The following LARGE1 variants were observed in gnomAD, a reference collection of about 807,000 sequenced individuals.
LARGE1 encodes xylosyl- and glucuronyltransferase LARGE1.
In LARGE1, 43 loss-of-function variants were observed where a neutral mutation model predicts 87.6. The ratio of observed to expected loss-of-function variants is 0.49; its 90% CI spans 0.38 to 0.63. The LOEUF is 0.63. Among genes scored for constraint, LARGE1 ranks in the 30% least tolerant of loss-of-function variants. The pLI is 0.00. For synonymous variants in LARGE1, 434 were observed against 394.6 expected, an observed-to-expected ratio of 1.10 and a Z score of -1.18; for missense variants, 802 against 1,000.2, an observed-to-expected ratio of 0.80 and a Z score of 2.67.
chr22:33,234,824 A>G (rs560728276), intron 11 of LARGE1, among the ~76,000 whole-genome samples: 110 of 152,288 alleles, frequency 7.2e-4, no homozygotes, highest in African/African-American at 2.5e-3. Flanking sequence ...TACAGGTGTG[A>G]GCCACCACAC....
the LARGE1 span, among the ~76,000 whole-genome samples, chr22:33,089,023 G>T: frequency 1.3e-5 from 2 of 152,094 alleles, no homozygotes; most frequent in Non-Finnish European, 2.9e-5. Flanking sequence ...CCCTCTTTTC[G>T]TGATTCCTTT....
intron 6 of LARGE1, among the ~76,000 whole-genome samples, chr22:33,496,721 C>T (rs1449554276): frequency 6.6e-6 from 1 of 152,164 alleles, no homozygotes; most frequent in African/African-American, 2.4e-5. Context: ...AATCTATGAA[C>T]TCATTAGGTC....
At chr22:33,566,477 T>G (rs1278258114) in intron 5 of LARGE1, among the ~76,000 whole-genome samples, 2 of 152,024 alleles carry the variant, frequency 1.3e-5, no homozygotes, top group Non-Finnish European at 2.9e-5. Context: ...GCTGGCTCCT[T>G]CCGGGGGGTT....
chr22:33,834,392 C>T (rs1204212681), intron 1 of LARGE1, among the ~76,000 whole-genome samples: 1 of 152,198 alleles, frequency 6.6e-6, no homozygotes, highest in African/African-American at 2.4e-5. Flanking sequence ...GTGAAAATGG[C>T]AGGTTCCTGC....
At chr22:33,355,523 T>TAAC (rs1940808475) in intron 9 of LARGE1, among the ~76,000 whole-genome samples, 2 of 152,328 alleles carry the variant, frequency 1.3e-5, no homozygotes, top group South Asian at 4.1e-4. Flanking sequence ...CCCTTCGTGA[T>TAAC]AACTGGAAAA....
At chr22:33,411,397 T>C (rs973178835) in intron 7 of LARGE1, among the ~76,000 whole-genome samples, 5 of 152,250 alleles carry the variant, frequency 3.3e-5, no homozygotes, top group African/African-American at 7.2e-5. Context: ...GTTGGGTTCC[T>C]ATGAAGTAGC....
intron 7 of LARGE1, among the ~76,000 whole-genome samples, chr22:33,398,232 T>A (rs1334450370): frequency 6.6e-6 from 1 of 151,162 alleles, no homozygotes; most frequent in East Asian, 1.9e-4. Context: ...AAAAAAAACC[T>A]CAAAGAAGGT....
At chr22:33,863,242 C>T (rs1415015246) in intron 1 of LARGE1, among the ~76,000 whole-genome samples, 1 of 152,138 alleles carries the variant, frequency 6.6e-6, no homozygotes, top group African/African-American at 2.4e-5. Flanking sequence ...GGAGGTTAAT[C>T]CAACCTCATC....
At chr22:33,669,757 T>C (rs554169303) in intron 2 of LARGE1, among the ~76,000 whole-genome samples, 1 of 152,348 alleles carries the variant, frequency 6.6e-6, no homozygotes, top group Non-Finnish European at 1.5e-5. Context: ...TGCTGCAATA[T>C]GCCAGGAGTC....
intron 9 of LARGE1, among the ~76,000 whole-genome samples, chr22:33,347,640 T>A (rs1202299503): frequency 6.6e-6 from 1 of 152,204 alleles, no homozygotes; most frequent in Non-Finnish European, 1.5e-5. Flanking sequence ...CTTGTCATCT[T>A]CGGGATTATG....
chr22:33,585,179 A>C (rs975045305), intron 5 of LARGE1, among the ~76,000 whole-genome samples: 2 of 152,188 alleles, frequency 1.3e-5, no homozygotes, highest in African/African-American at 2.4e-5. Context: ...GAGGAGAGAG[A>C]AACTCACTTA....
intron 5 of LARGE1, among the ~76,000 whole-genome samples, chr22:33,586,495 G>A (rs1219613417): frequency 2.8e-5 from 4 of 145,164 alleles, no homozygotes; most frequent in South Asian, 4.3e-4. Context: ...TTGCTCTGTC[G>A]CCCAGGCTGG....
intron 2 of LARGE1, among the ~76,000 whole-genome samples, chr22:33,678,793 C>A (rs1037613397): frequency 6.6e-6 from 1 of 152,172 alleles, no homozygotes; most frequent in Non-Finnish European, 1.5e-5. Flanking sequence ...GAGGAAGAGG[C>A]GCATCTGCGA....
chr22:33,883,003 C>G (rs921411545), intron 1 of LARGE1, among the ~76,000 whole-genome samples: 1 of 152,142 alleles, frequency 6.6e-6, no homozygotes, highest in Non-Finnish European at 1.5e-5. Context: ...AATGGGAAAA[C>G]TCATCACTTT....
intron 2 of LARGE1, among the ~76,000 whole-genome samples, chr22:33,760,541 CCTAT>C (rs2084686802): frequency 6.6e-6 from 1 of 152,204 alleles, no homozygotes; most frequent in South Asian, 2.1e-4. Flanking sequence ...CATTTCTTAG[CCTAT>C]CTGTCTCCTC....
chr22:33,574,517 A>G (rs992161558), intron 5 of LARGE1, among the ~76,000 whole-genome samples: 1 of 152,048 alleles, frequency 6.6e-6, no homozygotes, highest in Non-Finnish European at 1.5e-5. Context: ...GTGGTCCAGT[A>G]GAAGGACAAT....
the LARGE1 span, among the ~76,000 whole-genome samples, chr22:33,079,893 T>A: frequency 6.6e-6 from 1 of 152,094 alleles, no homozygotes; most frequent in Non-Finnish European, 1.5e-5. Context: ...ATGGCTCTTT[T>A]CTCCGACAAT....
At chr22:33,529,228 C>T (rs928369191) in intron 6 of LARGE1, among the ~76,000 whole-genome samples, 2 of 152,134 alleles carry the variant, frequency 1.3e-5, no homozygotes, top group African/African-American at 2.4e-5. Context: ...CCTGGCTCAT[C>T]GCCTTTGAGG....
At chr22:33,576,637 A>G (rs2078360338) in intron 5 of LARGE1, among the ~76,000 whole-genome samples, 1 of 152,182 alleles carries the variant, frequency 6.6e-6, no homozygotes, top group African/African-American at 2.4e-5. Context: ...GCGAAAGCAC[A>G]TGGATAAACA....
Sources: gnomAD v4.1 joint callset for allele counts (sites outside exome capture counted in the v4.1 genomes callset) on GRCh38, gnomAD v4.1.1 for gene constraint, MANE v1.5 for transcripts, NCBI Gene and HGNC (gene_info 2026-07-23, HGNC 2026-07-21) for gene names.